The following PPP6R1 variants were observed in gnomAD, a reference collection of about 807,000 sequenced individuals.
PPP6R1 encodes serine/threonine-protein phosphatase 6 regulatory subunit 1.
Under a neutral mutation model 104.6 loss-of-function variants are expected in PPP6R1, and 39 were observed. The ratio of observed to expected loss-of-function variants is 0.37; its 90% CI spans 0.29 to 0.49. The LOEUF (loss-of-function observed/expected upper bound fraction) is 0.49, where lower values mean the gene tolerates loss of function less well. Among genes scored for constraint, PPP6R1 ranks in the 20% least tolerant of loss-of-function variants. PPP6R1 has a pLI of 0.98. For missense variants in PPP6R1, 1,181 were observed against 1,155.8 expected, an observed-to-expected ratio of 1.02 and a Z score of -0.32; for synonymous variants, 549 against 479.0, an observed-to-expected ratio of 1.15 and a Z score of -1.91.
In PPP6R1 at chr19:55,240,949, T is replaced by C. The variant is rs1295416754; in HGVS notation, c.1292A>G (p.Lys431Arg). 1 of 1,606,094 alleles carries C rather than the reference T, an allele frequency of 6.2e-7. No homozygotes were observed. The highest frequency in any genetic ancestry group is 1.7e-5 in the Admixed American group (1 of 59,026). ...PETPIQNPVV[K>R]HLLQQCRLVE... ...GACCAGGGAGTCCCAGCTCACATGT[T>C]TCACAACAGGGTTTTGGATGGGCGT... The change falls in exon 10 of 24, where the codon AAA becomes AGA. Residue 431 changes from lysine (K) to arginine (R), a missense_variant. Physicochemically the swap from Lys to Arg is conservative, Grantham distance 26. Around this residue, in one of 2 missense-constraint regions of PPP6R1, gnomAD observed 1,042 missense variants for 955.6 expected, o/e 1.09. Coordinates refer to ENST00000412770, the MANE Select transcript of PPP6R1 (RefSeq NM_014931.4).
Position 55,241,168 on chromosome 19 carries a change from C to T in PPP6R1, c.1161+71G>A, listed in dbSNP as rs1222776214. 4 of 1,488,560 alleles carry T rather than the reference C, an allele frequency of 2.7e-6. No individual in the cohort carries two copies. Among genetic ancestry groups the T allele is most frequent in the Non-Finnish European group, 3.6e-6 (4 of 1,119,238 alleles). 92.2% of individuals were successfully genotyped at this position (1,488,560 alleles called of 1,614,324 possible). ...GCCCCCAGCCGAGCCCCCACCCCAG[C>T]CCCCGAACCCTCAGCCCAGTCCAGT... On this transcript the variant is annotated intron_variant, in intron 9 of 23. Transcript: ENST00000412770. This position sits in a 1 kb window ranked among gnomAD's most constrained non-coding sequence, Gnocchi z 5.4.
intron 1 of PPP6R1, among the ~76,000 whole-genome samples, chr19:55,251,799 C>T (rs540325609): frequency 6.2e-4 from 95 of 152,254 alleles, no homozygotes; most frequent in African/African-American, 2.3e-3. Context: ...CTGAGGGAAG[C>T]GGGAGGGGGA....
At chr19:55,231,008 G>C in intron 21 of PPP6R1, 124 bp from the exon 22 acceptor site, 1 of 831,036 alleles carries the variant, frequency 1.2e-6, no homozygotes, top group Admixed American at 2.2e-5. Flanking sequence ...CCACGGGGAG[G>C]GGCCTCCCGA....
At chr19:55,239,256 A>C (rs2087426612) in intron 15 of PPP6R1, 149 bp downstream of exon 15, 2 of 724,318 alleles carry the variant, frequency 2.8e-6, no homozygotes, top group Non-Finnish European at 2.3e-6. Context: ...CACACACACA[A>C]GGCCACGGCC....
rs1004742808 is a variant in PPP6R1 at position 55,229,964 on chromosome 19, G to A, written c.*564C>T. The A allele has an allele frequency of 6.5e-6, 1 of 153,020 alleles. No homozygotes were observed. Among genetic ancestry groups the A allele is most frequent in the African/African-American group, 2.4e-5 (1 of 41,464 alleles). The allele number at this position is 153,020 out of a possible 1,614,324, so 9.5% of individuals were successfully genotyped here. ...GGGAGGCCCCTGCTCCCCAGAGCCGGACTGGCCTGGTTGAAAGTGCAGGGT... is the reference window on the plus strand; with the variant it reads ...GGGAGGCCCCTGCTCCCCAGAGCCGAACTGGCCTGGTTGAAAGTGCAGGGT... On this transcript the variant is annotated 3_prime_UTR_variant, in exon 24 of 24. Coordinates refer to ENST00000412770, the MANE Select transcript of PPP6R1 (RefSeq NM_014931.4).
At position 55,233,403 on chromosome 19, in the gene PPP6R1, T is replaced by C. The variant is rs1179128131; in HGVS notation, c.1989-1192A>G. On this transcript the variant is annotated intron_variant, in intron 17 of 23. Coordinates refer to ENST00000412770, the MANE Select transcript of PPP6R1 (RefSeq NM_014931.4). ...CCTAAGATCAGGAACAAAACAAGGATGCCTGTTCTTGCCACTTCTGTTCAA... is the reference window on the plus strand; with the variant it reads ...CCTAAGATCAGGAACAAAACAAGGACGCCTGTTCTTGCCACTTCTGTTCAA... Among the ~76,000 whole-genome samples the C allele has an allele frequency of 2.0e-5, 3 of 152,276 alleles. No homozygotes were observed. The East Asian group carries it at 5.8e-4, about 29-fold the overall frequency.
At position 55,230,546 on chromosome 19, in the gene PPP6R1, A is replaced by G. The variant is rs2087331053; in HGVS notation, c.2643-15T>C. ...CAGGCAGCTATCTGGAAACAGAGGGAGATGTCGTGTGAGGGTCTAGCAGGC... is the reference window on the plus strand; with the variant it reads ...CAGGCAGCTATCTGGAAACAGAGGGGGATGTCGTGTGAGGGTCTAGCAGGC... On this transcript the variant is annotated splice_polypyrimidine_tract_variant and intron_variant, in intron 23 of 23. Transcript: ENST00000412770. 6.2e-7 allele frequency: 1 copy of G among 1,613,442 alleles called. No homozygotes were observed. Among genetic ancestry groups the G allele is most frequent in the Non-Finnish European group, 8.5e-7 (1 of 1,179,766 alleles).
At chr19:55,229,736 C>T (rs140341986), downstream of PPP6R1, 2 of 152,236 alleles carry the variant, frequency 1.3e-5, no homozygotes, top group South Asian at 2.1e-4. Context: ...ATAATACAGG[C>T]TCCCCACCCC....
intron 22 of PPP6R1, 40 bp from the exon 23 acceptor site, chr19:55,230,724 G>T (rs1418998319): frequency 6.7e-7 from 1 of 1,501,716 alleles, no homozygotes; most frequent in Admixed American, 2.0e-5. Flanking sequence ...GTCACTTCCT[G>T]CCCCACCAGC....
In PPP6R1 at chr19:55,240,961, T is replaced by C; in HGVS notation, c.1280A>G (p.Asn427Ser). The change falls in exon 10 of 24, where the codon AAC becomes AGC. Residue 427 changes from asparagine to serine, a missense_variant. Around this residue, in one of 2 missense-constraint regions of PPP6R1, gnomAD observed 1,042 missense variants for 955.6 expected, o/e 1.09. Transcript: ENST00000412770. Reference protein sequence around the residue: ...PDSSPETPIQNPVVKHLLQQC... With the variant: ...PDSSPETPIQSPVVKHLLQQC... ...CCAGCTCACATGTTTCACAACAGGG[T>C]TTTGGATGGGCGTCTCAGGGCTGCT... is the stretch of plus-strand genomic sequence containing the variant. 6.2e-7 allele frequency: 1 copy of C among 1,605,426 alleles called. No homozygotes were observed. The highest frequency in any genetic ancestry group is 8.5e-7 in the Non-Finnish European group (1 of 1,176,664).
At chr19:55,250,836 C>T (rs1363552160) in intron 1 of PPP6R1, among the ~76,000 whole-genome samples, 1 of 151,950 alleles carries the variant, frequency 6.6e-6, no homozygotes, top group Non-Finnish European at 1.5e-5. Context: ...AGGCCCCCCA[C>T]ACTCGACCGC....
chr19:55,253,862 G>A (rs947159403), intron 1 of PPP6R1, among the ~76,000 whole-genome samples: 1 of 152,126 alleles, frequency 6.6e-6, no homozygotes, highest in African/African-American at 2.4e-5. Flanking sequence ...GGTGAACCTG[G>A]GCAGGCGCTT....
At position 55,241,242 on chromosome 19, in the gene PPP6R1, C is replaced by G; in HGVS notation, c.1158G>C (p.Met386Ile). The G allele has an allele frequency of 1.3e-6, 2 of 1,592,932 alleles. No homozygotes were observed. The highest frequency in any genetic ancestry group is 8.5e-7 in the Non-Finnish European group (1 of 1,171,894). Reference sequence around the variant, plus strand: ...CAGCCCGGTCCAGTCCCCGCACCAGCATGGTGTTGGGCACGTCCAGTGCCA... The same window carrying G: ...CAGCCCGGTCCAGTCCCCGCACCAGGATGGTGTTGGGCACGTCCAGTGCCA... ...ELLALDVPNT[M>I]LDLFFHYVFN... The change falls in exon 9 of 24, where the codon ATG becomes ATC. Residue 386 changes from methionine to isoleucine, a missense_variant. By Grantham distance (10) the Met-to-Ile change is conservative (BLOSUM62 1). This residue lies in a region of PPP6R1 where 1,042 missense variants were observed against 955.6 expected (regional missense o/e 1.09). Transcript: ENST00000412770. The surrounding 1 kb of genome is among the most constrained non-coding windows in gnomAD (Gnocchi z 5.4).
At chr19:55,228,715 G>A (rs538002549), downstream of PPP6R1, 13 of 1,613,290 alleles carry the variant, frequency 8.1e-6, no homozygotes, top group Non-Finnish European at 1.1e-5. Flanking sequence ...GAGTCTTCAG[G>A]GTCTGCCCCG....
Position 55,247,063 on chromosome 19 carries a change from T to C in PPP6R1, c.41A>G (p.Asp14Gly). 6.2e-7 allele frequency: 1 copy of C among 1,613,716 alleles called. No homozygotes were observed. The highest frequency in any genetic ancestry group is 8.5e-7 in the Non-Finnish European group (1 of 1,179,860). Residue 14 changes from aspartate (D) to glycine (G), a missense_variant, in exon 2 of 24, where the codon GAC becomes GGC. Physicochemically the swap from Asp to Gly is moderately conservative, Grantham distance 94. Coordinates refer to ENST00000412770, the MANE Select transcript of PPP6R1 (RefSeq NM_014931.4). ...CAGGTCCTCCCGCTCCAGCAGCGTGTCCAGGTGCGAGCTTGTGTGCAGGTC... is the reference window on the plus strand; with the variant it reads ...CAGGTCCTCCCGCTCCAGCAGCGTGCCCAGGTGCGAGCTTGTGTGCAGGTC... ...KFDLHTSSHL[D>G]TLLEREDLSL...
intron 6 of PPP6R1, 23 bp from the exon 7 acceptor site, chr19:55,242,302 C>T: frequency 6.2e-7 from 1 of 1,613,480 alleles, no homozygotes; most frequent in Non-Finnish European, 8.5e-7. Context: ...GGGCAGGGGT[C>T]AGGGTGAGGG....
intron 17 of PPP6R1, among the ~76,000 whole-genome samples, chr19:55,235,837 ATTC>A (rs2122559228): frequency 9.7e-6 from 1 of 102,570 alleles, no homozygotes; most frequent in African/African-American, 3.7e-5. Flanking sequence ...TAATTTGTTG[ATTC>A]TTTTTTTTTT....
chr19:55,231,317 A>G (rs2087343356), intron 21 of PPP6R1, 93 bp downstream of exon 21: 1 of 1,408,320 alleles, frequency 7.1e-7, no homozygotes, highest in African/African-American at 1.4e-5. Context: ...GGAGGCCTGG[A>G]GCAGCTCAGG....
chr19:55,246,968 C>G lies in PPP6R1; in HGVS notation c.136G>C (p.Asp46His), dbSNP rs1414503792. The change falls in exon 2 of 24, where the codon GAC (aspartate) becomes CAC (histidine). Residue 46 changes from aspartate to histidine, a missense_variant. Physicochemically the swap from Asp to His is moderately conservative, Grantham distance 81. Around this residue, in one of 2 missense-constraint regions of PPP6R1, gnomAD observed 139 missense variants for 200.1 expected, o/e 0.69. Coordinates refer to ENST00000412770, the MANE Select transcript of PPP6R1 (RefSeq NM_014931.4). ...ECKVVNRKLL[D>H]FLLQPPHLQA... ...AGGTGGGGTGGCTGCAGCAGGAAGT[C>G]CAGCAGCTTGCGGTTGACGACCTTG... 6.2e-7 allele frequency: 1 copy of G among 1,613,888 alleles called. No homozygotes were observed.
Sources: gnomAD v4.1 joint callset for allele counts (sites outside exome capture counted in the v4.1 genomes callset) on GRCh38, gnomAD v4.1.1 for gene constraint, gnomAD v4.1.1 regional missense constraint, Gnocchi (gnomAD v3.1) non-coding constraint, MANE v1.5 for transcripts, NCBI Gene and HGNC (gene_info 2026-07-23, HGNC 2026-07-21) for gene names.